ERC2: variants seen among roughly 807,000 people sequenced by gnomAD.
The protein encoded by ERC2 is ELKS/RAB6-interacting/CAST family member 2.
In ERC2, 42 loss-of-function variants were observed where a neutral mutation model predicts 114.8. That is an observed-to-expected ratio of 0.37 (90% CI 0.29 to 0.47). The LOEUF is 0.47. ERC2 is among the 20% of genes least tolerant of loss of function. The pLI is 0.99. For synonymous variants in ERC2, 454 were observed against 425.5 expected (o/e 1.07, Z -0.82); for missense variants, 939 against 1,150.7 (o/e 0.82, Z 2.66).
At chr3:56,124,289 A>G (rs2079753486) in intron 6 of ERC2, among the ~76,000 whole-genome samples, 2 of 152,218 alleles carry the variant, frequency 1.3e-5, no homozygotes, top group Admixed American at 1.3e-4. Context: ...AGTCATCTGT[A>G]TAAGGCATCA....
intron 6 of ERC2, among the ~76,000 whole-genome samples, chr3:56,112,494 T>C (rs2079017952): frequency 6.6e-6 from 1 of 151,556 alleles, no homozygotes; most frequent in Non-Finnish European, 1.5e-5. Context: ...GGCACACACT[T>C]ATGAAAGGTA....
chr3:55,811,911 A>G (rs2059734795), intron 14 of ERC2, among the ~76,000 whole-genome samples: 1 of 152,202 alleles, frequency 6.6e-6, no homozygotes, highest in East Asian at 1.9e-4. Flanking sequence ...TTTGTTACAT[A>G]GGTAAACGTT....
rs1419292141 is a variant in ERC2 at position 55,728,291 on chromosome 3, A to G, written c.2712+6480T>C. ...CTAGCAAGGCAGATAGCTATTATTA[A>G]AATCATCACAAAACAAATGGAAAAT... On this transcript the variant is annotated intron_variant, in intron 15 of 17. Transcript: ENST00000288221. 2.0e-5 allele frequency among the ~76,000 whole-genome samples: 3 copies of G among 152,214 alleles called. No homozygotes were observed. In the East Asian group the frequency reaches 5.8e-4, roughly 29 times the overall value.
intron 17 of ERC2, among the ~76,000 whole-genome samples, chr3:55,641,716 C>A (rs1423044021): frequency 6.6e-6 from 1 of 152,110 alleles, no homozygotes; most frequent in African/African-American, 2.4e-5. Flanking sequence ...CCTACTGATG[C>A]CTCTCTCCTT....
At chr3:55,718,550 T>C (rs1279004881) in intron 15 of ERC2, among the ~76,000 whole-genome samples, 1 of 152,184 alleles carries the variant, frequency 6.6e-6, no homozygotes, top group Non-Finnish European at 1.5e-5. Context: ...TGACAGGATG[T>C]GCCAGAGGTC....
intron 13 of ERC2, among the ~76,000 whole-genome samples, chr3:55,927,524 C>T (rs1197761860): frequency 6.6e-6 from 1 of 152,160 alleles, no homozygotes; most frequent in African/African-American, 2.4e-5. Context: ...TATAGGCACA[C>T]AATGTGCAAT....
intron 14 of ERC2, among the ~76,000 whole-genome samples, chr3:55,836,702 T>C (rs2060903459): frequency 6.6e-6 from 1 of 152,094 alleles, no homozygotes; most frequent in Admixed American, 6.5e-5. Context: ...GGGCAAGGAC[T>C]TCATGTCTAA....
chr3:56,263,732 T>C (rs535259531), intron 3 of ERC2, among the ~76,000 whole-genome samples: 1 of 152,110 alleles, frequency 6.6e-6, no homozygotes, highest in South Asian at 2.1e-4. Context: ...TACCAAACAT[T>C]AAAAAAAGAA....
intron 2 of ERC2, among the ~76,000 whole-genome samples, chr3:56,346,784 G>T (rs2058326031): frequency 1.3e-5 from 2 of 152,198 alleles, no homozygotes. Context: ...CCGTTCTGGA[G>T]ACTGGGACGT....
intron 6 of ERC2, among the ~76,000 whole-genome samples, chr3:56,113,292 A>G (rs1157400413): frequency 6.6e-6 from 1 of 152,232 alleles, no homozygotes; most frequent in Non-Finnish European, 1.5e-5. Flanking sequence ...TAAAGCTTCT[A>G]TGAAATTAGT....
chr3:55,632,233 A>G (rs996924642), intron 17 of ERC2, among the ~76,000 whole-genome samples: 1 of 152,242 alleles, frequency 6.6e-6, no homozygotes, highest in Non-Finnish European at 1.5e-5. Context: ...GCCCATATAC[A>G]TACCAACCTG....
chr3:55,877,803 C>T (rs1182378677), intron 14 of ERC2, among the ~76,000 whole-genome samples: 1 of 152,138 alleles, frequency 6.6e-6, no homozygotes, highest in East Asian at 1.9e-4. Flanking sequence ...ATAATTCTTC[C>T]TTCAGGATTT....
chr3:55,540,765 G>C (rs569991457), intron 17 of ERC2, among the ~76,000 whole-genome samples: 20 of 152,334 alleles, frequency 1.3e-4, no homozygotes, highest in African/African-American at 4.6e-4. Context: ...ATCTGGGAAA[G>C]AAATGTCTTT....
intron 3 of ERC2, among the ~76,000 whole-genome samples, chr3:56,270,703 G>T (rs1419248287): frequency 6.6e-6 from 1 of 152,224 alleles, no homozygotes; most frequent in African/African-American, 2.4e-5. Flanking sequence ...CCATGGGCAG[G>T]GCATGGTGGC....
At chr3:55,827,921 A>G (rs753625186) in intron 14 of ERC2, among the ~76,000 whole-genome samples, 2 of 152,264 alleles carry the variant, frequency 1.3e-5, no homozygotes, top group Non-Finnish European at 2.9e-5. Context: ...TCCACTCAGC[A>G]GCAACGTTGA....
chr3:56,016,439 T>A (rs113323274), intron 8 of ERC2, among the ~76,000 whole-genome samples: 10 of 150,890 alleles, frequency 6.6e-5, no homozygotes, highest in East Asian at 3.9e-4. Flanking sequence ...TTTTTTTTTT[T>A]TAATAACTTT....
intron 7 of ERC2, among the ~76,000 whole-genome samples, chr3:56,051,665 A>C (rs1402620274): frequency 1.3e-5 from 2 of 152,086 alleles, no homozygotes; most frequent in Non-Finnish European, 2.9e-5. Flanking sequence ...ATCTCTACTT[A>C]AAATACAAAA....
At chr3:56,288,369 C>G (rs2054860984) in intron 3 of ERC2, among the ~76,000 whole-genome samples, 1 of 152,154 alleles carries the variant, frequency 6.6e-6, no homozygotes, top group South Asian at 2.1e-4. Flanking sequence ...CCTCTCTCAG[C>G]ATAACCTCCG....
intron 15 of ERC2, among the ~76,000 whole-genome samples, chr3:55,703,418 A>G (rs1294340398): frequency 6.6e-6 from 1 of 152,136 alleles, no homozygotes; most frequent in Non-Finnish European, 1.5e-5. Flanking sequence ...TCTTAGCTTC[A>G]ATGCCATCAT....
Sources: gnomAD v4.1 joint callset for allele counts (sites outside exome capture counted in the v4.1 genomes callset) on GRCh38, gnomAD v4.1.1 for gene constraint, MANE v1.5 for transcripts, NCBI Gene and HGNC (gene_info 2026-07-23, HGNC 2026-07-21) for gene names.